Variants in PCSK5 observed in about 807,000 individuals in gnomAD.
PCSK5 encodes prohormone convertase 5.
PCSK5 carries 129 observed loss-of-function variants against 233.2 expected under a neutral mutation model. That is an observed-to-expected ratio of 0.55 (90% CI 0.48 to 0.64). PCSK5 has a LOEUF of 0.64. Among genes scored for constraint, PCSK5 ranks in the 30% least tolerant of loss-of-function variants. The pLI is 0.00. For synonymous variants in PCSK5, 825 were observed against 879.2 expected (o/e 0.94, Z 1.09); for missense variants, 2,076 against 2,430.1 (o/e 0.85, Z 3.06).
intron 30 of PCSK5, among the ~76,000 whole-genome samples, chr9:76,314,215 A>G (rs7023121): frequency 0.057 from 8,632 of 152,214 alleles, 266 homozygotes; most frequent in Non-Finnish European, 0.061. Context: ...GAGCAATGGG[A>G]CACTACGCAG....
rs534077644 is a variant in PCSK5, at chr9:75,991,762, C to T, written c.411+5517C>T. ...CCCGTTTTTTCACGACTAAAGAAAA[C>T]TCAGTTTGACTCTAGAGACAGAGAG... On this transcript the variant is annotated intron_variant, in intron 3 of 37. Transcript: ENST00000674117. 5.3e-5 allele frequency among the ~76,000 whole-genome samples: 8 copies of T among 152,214 alleles called. No individual in the cohort carries two copies. The East Asian group carries it at 1.5e-3, about 29-fold the overall frequency.
At chr9:76,103,522 A>G (rs1422489801) in intron 8 of PCSK5, among the ~76,000 whole-genome samples, 1 of 152,204 alleles carries the variant, frequency 6.6e-6, no homozygotes, top group African/African-American at 2.4e-5. Flanking sequence ...CAAAGGTCCA[A>G]TCAGAACAAG....
At chr9:75,905,516 A>G (rs1352359102) in intron 1 of PCSK5, among the ~76,000 whole-genome samples, 1 of 152,204 alleles carries the variant, frequency 6.6e-6, no homozygotes, top group Non-Finnish European at 1.5e-5. Context: ...CACTGTCTCA[A>G]AAAATAATAA....
intron 24 of PCSK5, among the ~76,000 whole-genome samples, chr9:76,262,163 G>A (rs1180710798): frequency 1.3e-5 from 2 of 152,062 alleles, no homozygotes; most frequent in South Asian, 2.1e-4. Flanking sequence ...CATGCTCATG[G>A]GTAGGAAGAA....
At chr9:76,317,985 G>A (rs1829079260) in intron 30 of PCSK5, among the ~76,000 whole-genome samples, 1 of 152,126 alleles carries the variant, frequency 6.6e-6, no homozygotes. Flanking sequence ...TTGTGGCACA[G>A]CAATATTATG....
intron 24 of PCSK5, among the ~76,000 whole-genome samples, chr9:76,262,907 C>T (rs1197651427): frequency 2.7e-5 from 4 of 150,568 alleles, no homozygotes; most frequent in Middle Eastern, 3.5e-3. Context: ...CCAGAATCTA[C>T]AATGAACTCA....
Position 76,155,345 on chromosome 9 carries a change from A to T in PCSK5, c.1313-1700A>T, listed in dbSNP as rs945787602. Among the ~76,000 whole-genome samples, 7 of 152,344 alleles carry T rather than the reference A, an allele frequency of 4.6e-5. No homozygotes were observed. In the East Asian group the frequency reaches 1.3e-3, roughly 29 times the overall value. ...AATTATGTGATTAGCAAATCGCATA[A>T]TTAAGGCAGTAATTTTTTCAACCTA... On this transcript the variant is annotated intron_variant, in intron 10 of 37. Coordinates refer to ENST00000674117, the MANE Select transcript of PCSK5 (RefSeq NM_001372043.1).
intron 5 of PCSK5, among the ~76,000 whole-genome samples, chr9:76,041,834 G>C (rs1829131987): frequency 8.3e-6 from 1 of 121,130 alleles, no homozygotes; most frequent in Admixed American, 8.2e-5. Flanking sequence ...GCAAGACTCT[G>C]TCTCAAGGGA....
chr9:76,219,784 T>C (rs971928980), intron 20 of PCSK5, among the ~76,000 whole-genome samples: 2 of 152,222 alleles, frequency 1.3e-5, no homozygotes, highest in Admixed American at 6.5e-5. Flanking sequence ...TCATTCACTT[T>C]CTCAGTAAGC....
At chr9:75,964,764 C>T (rs917596464) in intron 2 of PCSK5, among the ~76,000 whole-genome samples, 3 of 152,166 alleles carry the variant, frequency 2.0e-5, no homozygotes, top group African/African-American at 7.2e-5. Context: ...TAATTAAGTG[C>T]TCATTGCGTA....
At chr9:76,087,680 G>A (rs1490471422) in intron 7 of PCSK5, among the ~76,000 whole-genome samples, 1 of 152,122 alleles carries the variant, frequency 6.6e-6, no homozygotes, top group Non-Finnish European at 1.5e-5. Context: ...ATTTGTGAAT[G>A]GTAAAATTAA....
intron 17 of PCSK5, among the ~76,000 whole-genome samples, chr9:76,186,928 G>C (rs980349217): frequency 6.6e-6 from 1 of 152,014 alleles, no homozygotes. Flanking sequence ...GTCTCCTTGA[G>C]GCCCCTTGCA....
chr9:75,914,965 C>T (rs12115357), intron 1 of PCSK5, among the ~76,000 whole-genome samples: 8,260 of 152,024 alleles, frequency 0.054, 327 homozygotes, highest in African/African-American at 0.1. Context: ...CACTTTGATA[C>T]GGTAAAAGGT....
In PCSK5 at chr9:76,188,695, T is replaced by G. The variant is rs745770267; in HGVS notation, c.2380+20T>G. 2 of 1,578,584 alleles carry G rather than the reference T, an allele frequency of 1.3e-6. No homozygotes were observed. Among genetic ancestry groups the G allele is most frequent in the Admixed American group, 3.3e-5 (2 of 59,834 alleles). Reference sequence around the variant, plus strand: ...GTGCTGGTACCTTCCCTAGTTCTTTTGTTTATTCTCCCGGTTCTGGTTTTG... The same window carrying G: ...GTGCTGGTACCTTCCCTAGTTCTTTGGTTTATTCTCCCGGTTCTGGTTTTG... On this transcript the variant is annotated intron_variant, in intron 18 of 37. Transcript: ENST00000674117.
chr9:75,938,064 T>C (rs899251917), intron 2 of PCSK5, among the ~76,000 whole-genome samples: 1 of 152,216 alleles, frequency 6.6e-6, no homozygotes, highest in Non-Finnish European at 1.5e-5. Flanking sequence ...TTTAATTTCT[T>C]TTAAGAACTT....
chr9:75,891,072 C>A lies in PCSK5; in HGVS notation c.-110C>A, dbSNP rs963772835. 123 of 1,032,924 alleles carry A rather than the reference C, an allele frequency of 1.2e-4. No individual in the cohort carries two copies. Among genetic ancestry groups the A allele is most frequent in the Non-Finnish European group, 1.5e-4 (118 of 778,540 alleles). 64.0% of individuals were successfully genotyped at this position (1,032,924 alleles called of 1,614,324 possible). A position where few individuals can be genotyped will look rare whatever the true frequency, so the allele number is the denominator to read the frequency against. ...GCCGATCGCCCGGGGCTGCGAGCTGCGGCGGCCCGGGGCTGCTCGCCGGGC... is the reference window on the plus strand; with the variant it reads ...GCCGATCGCCCGGGGCTGCGAGCTGAGGCGGCCCGGGGCTGCTCGCCGGGC... On this transcript the variant is annotated 5_prime_UTR_variant, in exon 1 of 38. Coordinates refer to ENST00000674117, the MANE Select transcript of PCSK5 (RefSeq NM_001372043.1).
At chr9:75,963,606 C>T (rs1825448174) in intron 2 of PCSK5, among the ~76,000 whole-genome samples, 1 of 152,198 alleles carries the variant, frequency 6.6e-6, no homozygotes, top group Non-Finnish European at 1.5e-5. Context: ...GCTGGCTGGG[C>T]ACAGTGGCTC....
At chr9:75,896,059 G>T (rs1278186063) in intron 1 of PCSK5, among the ~76,000 whole-genome samples, 1 of 152,094 alleles carries the variant, frequency 6.6e-6, no homozygotes, top group East Asian at 1.9e-4. Context: ...GTCCCAGATT[G>T]GTCTCTGTGT....
intron 28 of PCSK5, among the ~76,000 whole-genome samples, chr9:76,308,210 A>G (rs575384685): frequency 6.6e-6 from 1 of 152,316 alleles, no homozygotes; most frequent in Non-Finnish European, 1.5e-5. Flanking sequence ...AAAGAAAAGA[A>G]AAGAAAAGAA....
Sources: allele counts gnomAD v4.1 joint callset (sites outside exome capture counted in the v4.1 genomes callset), GRCh38; gene constraint gnomAD v4.1.1; transcripts MANE v1.5; gene names NCBI Gene and HGNC (gene_info 2026-07-23, HGNC 2026-07-21).